CRTAC1: variants seen among roughly 807,000 people sequenced by gnomAD.
The protein encoded by CRTAC1 is acidic secreted protein in cartilage.
Under a neutral mutation model 67.8 loss-of-function variants are expected in CRTAC1, and 37 were observed. That is an observed-to-expected ratio of 0.55 (90% CI 0.42 to 0.72). The LOEUF is 0.72. Among genes scored for constraint, CRTAC1 ranks in the 30% least tolerant of loss-of-function variants. The pLI, the probability that CRTAC1 is intolerant of heterozygous loss-of-function variation, is 0.00. For missense variants in CRTAC1, 780 were observed against 931.6 expected, an observed-to-expected ratio of 0.84 and a Z score of 2.12; for synonymous variants, 348 against 371.0, an observed-to-expected ratio of 0.94 and a Z score of 0.71.
chr10:97,900,740 C>T (rs1468257455), intron 8 of CRTAC1, among the ~76,000 whole-genome samples: 9 of 117,106 alleles, frequency 7.7e-5, no homozygotes, highest in African/African-American at 2.2e-4. Context: ...CCCCGTAGCC[C>T]CTTTTCCTGG....
chr10:97,896,371 C>T (rs1439006758), intron 9 of CRTAC1, among the ~76,000 whole-genome samples: 1 of 152,088 alleles, frequency 6.6e-6, no homozygotes, highest in African/African-American at 2.4e-5. Flanking sequence ...GTCATTACAA[C>T]CCAAAGAGGT....
At position 97,884,343 on chromosome 10, in the gene CRTAC1, C is replaced by T. The variant is rs1313058949; in HGVS notation, c.1495G>A (p.Glu499Lys). The T allele has an allele frequency of 3.9e-6, 6 of 1,551,346 alleles. No homozygotes were observed. The highest frequency in any genetic ancestry group is 2.0e-5 in the Admixed American group (1 of 51,036). The change falls in exon 12 of 15, where the codon GAA (glutamate) becomes AAA (lysine). Residue 499 changes from glutamate to lysine, a missense_variant. By Grantham distance (56) the Glu-to-Lys change is moderately conservative (BLOSUM62 1). Transcript: ENST00000370597. Reference protein sequence around the residue: ...PVAHFGLGKDEASSVEVTWPD... With the variant: ...PVAHFGLGKDKASSVEVTWPD... The stretch of plus-strand genomic sequence containing the variant: ...CACGTCACCTCCACACTGCTGGCTT[C>T]ATCCTTCCCTGAGGGGCAGAAGGAG...
intron 11 of CRTAC1, among the ~76,000 whole-genome samples, chr10:97,891,440 C>T (rs1421057472): frequency 1.3e-5 from 2 of 152,246 alleles, no homozygotes; most frequent in South Asian, 4.1e-4. Context: ...GACCTAATTC[C>T]AGTCCCACTT....
chr10:97,865,823 TGGG>T, intron 14 of CRTAC1, 109 bp from the exon 15 acceptor site: 6 of 423,966 alleles, frequency 1.4e-5, no homozygotes, highest in Admixed American at 3.5e-5. Flanking sequence ...CTGCCCGGGG[TGGG>T]AGGGAGGGTG....
At chr10:97,960,204 G>A (rs1052357744) in intron 2 of CRTAC1, among the ~76,000 whole-genome samples, 1 of 152,244 alleles carries the variant, frequency 6.6e-6, no homozygotes, top group Non-Finnish European at 1.5e-5. Flanking sequence ...CAGCCCTGGG[G>A]ACAGCAGTCC....
intron 2 of CRTAC1, among the ~76,000 whole-genome samples, chr10:97,962,200 A>G (rs1224029072): frequency 6.6e-6 from 1 of 152,186 alleles, no homozygotes; most frequent in Non-Finnish European, 1.5e-5. Flanking sequence ...TCAACACTCC[A>G]GGCAGAAAAA....
At chr10:97,922,615 GC>G (rs1391329156) in intron 4 of CRTAC1, among the ~76,000 whole-genome samples, 16 of 152,322 alleles carry the variant, frequency 1.1e-4, no homozygotes, top group African/African-American at 3.8e-4. Context: ...GTGGGCGGCT[GC>G]CCCCTCACCG....
intron 4 of CRTAC1, among the ~76,000 whole-genome samples, chr10:97,921,298 A>C (rs2050832768): frequency 6.6e-6 from 1 of 152,172 alleles, no homozygotes. Flanking sequence ...CTATGGGGCT[A>C]TGGAAGGATG....
intron 11 of CRTAC1, among the ~76,000 whole-genome samples, chr10:97,892,069 G>A (rs547735451): frequency 1.2e-4 from 19 of 152,322 alleles, no homozygotes; most frequent in Admixed American, 4.6e-4. Context: ...TGCACCAGGC[G>A]GAGCTCCCAA....
chr10:97,947,687 C>A (rs2051285992), intron 2 of CRTAC1, among the ~76,000 whole-genome samples: 2 of 152,156 alleles, frequency 1.3e-5, no homozygotes, highest in Admixed American at 1.3e-4. Flanking sequence ...ATTGGGGGAA[C>A]TTAAAGACAG....
intron 11 of CRTAC1, among the ~76,000 whole-genome samples, chr10:97,886,764 C>A (rs1043539540): frequency 6.6e-6 from 1 of 151,388 alleles, no homozygotes; most frequent in African/African-American, 2.4e-5. Context: ...CCTGCCTCAG[C>A]CTCCTGAGTA....
At chr10:97,995,353 TGCTGTA>T (rs1842543178) in intron 2 of CRTAC1, among the ~76,000 whole-genome samples, 1 of 152,194 alleles carries the variant, frequency 6.6e-6, no homozygotes, top group Non-Finnish European at 1.5e-5. Flanking sequence ...AAGACTTCCA[TGCTGTA>T]GAACTCTTTC....
At chr10:97,897,123 G>A (rs1449141596) in intron 8 of CRTAC1, 132 bp from the exon 9 acceptor site, 8 of 572,550 alleles carry the variant, frequency 1.4e-5, no homozygotes, top group East Asian at 3.2e-5. Context: ...GGCTGCCCAC[G>A]GAGCCACTCT....
chr10:97,907,747 G>A (rs987537243), intron 6 of CRTAC1, among the ~76,000 whole-genome samples: 15 of 152,104 alleles, frequency 9.9e-5, no homozygotes, highest in Admixed American at 9.2e-4. Flanking sequence ...TTGGAGGGTC[G>A]CGGGCAATCT....
intron 2 of CRTAC1, among the ~76,000 whole-genome samples, chr10:98,000,608 G>C (rs1842669722): frequency 1.3e-5 from 2 of 152,230 alleles, no homozygotes; most frequent in African/African-American, 4.8e-5. Flanking sequence ...AGCCTGCCAG[G>C]GCGAGTGGGC....
At chr10:97,878,449 GC>G in intron 14 of CRTAC1, 1 of 374,416 alleles carries the variant, frequency 2.7e-6, no homozygotes, top group Non-Finnish European at 4.1e-6. Flanking sequence ...AATGGCAGGG[GC>G]TTTTTTTTTG....
At position 97,925,746 on chromosome 10, in the gene CRTAC1, G is replaced by A. The variant is rs186612903; in HGVS notation, c.422-2346C>T. Among the ~76,000 whole-genome samples the A allele has an allele frequency of 9.2e-4, 140 of 151,698 alleles. 4 individuals are homozygous for A. The highest frequency in any genetic ancestry group is 3.1e-3 in the African/African-American group (128 of 41,314). ...GGGAGGGTGAGTGAGAATGAGTGTG[G>A]GCATGACTGAGAGTGAGTGTGAGCG... is the stretch of plus-strand genomic sequence containing the variant. On this transcript the variant is annotated intron_variant, in intron 3 of 14. Coordinates refer to ENST00000370597, the MANE Select transcript of CRTAC1 (RefSeq NM_018058.7).
chr10:97,894,594 C>T lies in CRTAC1; in HGVS notation c.1486+651G>A, dbSNP rs1025589169. Among the ~76,000 whole-genome samples, 4 of 149,448 alleles carry T rather than the reference C, an allele frequency of 2.7e-5. No homozygotes were observed. In the South Asian group the frequency reaches 8.6e-4, roughly 32 times the overall value. On this transcript the variant is annotated intron_variant, in intron 11 of 14. Transcript: ENST00000370597. ...TGTACTTTTGGTAGAGATGAGGTTT[C>T]GCCATGTTGCCCAGGCTAGTCTCGA...
chr10:97,901,599 C>G lies in CRTAC1; in HGVS notation c.1037G>C (p.Arg346Pro). ...SPKFSMPSPV[R>P]TVITADFDND... ...GTCAAAGTCGGCGGTGATGACCGTG[C>G]GGACAGGGGAGGGCATGGAGAACTT... Residue 346 changes from arginine to proline, a missense_variant, in exon 8 of 15, where the codon CGC (arginine) becomes CCC (proline). Transcript: ENST00000370597. The G allele has an allele frequency of 3.7e-6, 6 of 1,614,100 alleles. No homozygotes were observed. Among genetic ancestry groups the G allele is most frequent in the Non-Finnish European group, 5.1e-6 (6 of 1,180,014 alleles).
Sources: gnomAD v4.1 joint callset for allele counts (sites outside exome capture counted in the v4.1 genomes callset) on GRCh38, gnomAD v4.1.1 for gene constraint, MANE v1.5 for transcripts, NCBI Gene and HGNC (gene_info 2026-07-23, HGNC 2026-07-21) for gene names.